ANOS1: variants seen among roughly 807,000 people sequenced by gnomAD.
ANOS1 encodes the protein anosmin 1, also known as anosmin-1.
A neutral mutation model predicts 59.0 loss-of-function variants in ANOS1; 6 were observed. The ratio of observed to expected loss-of-function variants is 0.10; its 90% CI spans 0.06 to 0.20. ANOS1 has a LOEUF of 0.20. Ranked by LOEUF, ANOS1 falls within the 10% of genes least tolerant of loss-of-function variation. The pLI is 1.00. For synonymous variants in ANOS1, 217 were observed against 223.4 expected (o/e 0.97, Z 0.25); for missense variants, 433 against 542.3 (o/e 0.80, Z 2.00).
intron 3 of ANOS1, among the ~76,000 whole-genome samples, chrX:8,599,287 T>C (rs754059601): frequency 1.2e-4 from 13 of 112,027 alleles, no homozygotes; most frequent in African/African-American, 3.9e-4. Flanking sequence ...GTTTATTTGA[T>C]GTCACAACAG....
chrX:8,628,542 C>T (rs1931433864), intron 2 of ANOS1, among the ~76,000 whole-genome samples: 1 of 111,975 alleles, frequency 8.9e-6, no homozygotes. Context: ...GACAACCCCA[C>T]ATCTCTCTTC....
chrX:8,620,623 C>A (rs753879831), intron 3 of ANOS1, among the ~76,000 whole-genome samples: 9 of 111,635 alleles, frequency 8.1e-5, no homozygotes, highest in African/African-American at 2.9e-4. Context: ...CAGCCTACTT[C>A]AACACAATAG....
At chrX:8,595,435 GA>G (rs35941065) in intron 4 of ANOS1, among the ~76,000 whole-genome samples, 2 of 107,132 alleles carry the variant, frequency 1.9e-5, no homozygotes, top group African/African-American at 6.8e-5. Context: ...CAACGATAAA[GA>G]AAAAAAAACC....
At chrX:8,562,291 A>G (rs1054350255) in intron 8 of ANOS1, among the ~76,000 whole-genome samples, 16 of 112,008 alleles carry the variant, frequency 1.4e-4, no homozygotes, top group African/African-American at 5.2e-4. Flanking sequence ...ATTTTTATAT[A>G]TCTTAAGATT....
At chrX:8,657,065 G>A (rs1257338517) in intron 2 of ANOS1, among the ~76,000 whole-genome samples, 3 of 112,482 alleles carry the variant, frequency 2.7e-5, no homozygotes, top group Non-Finnish European at 3.8e-5. Context: ...AGAGAAGTGG[G>A]AAGGGGGCAG....
rs111693610 is a variant in ANOS1, at chrX:8,661,819, C to T, written c.255+37879G>A. Among the ~76,000 whole-genome samples, 101 of 111,196 alleles carry T rather than the reference C, an allele frequency of 9.1e-4. 1 individual carries two copies. The highest frequency in any genetic ancestry group is 3.1e-3 in the African/African-American group (96 of 30,511). ...TCTAGGAGCTTAAAAACAACAGCAT[C>T]GCGTTTCAACTAGCCCTTCTGCCAG... On this transcript the variant is annotated intron_variant, in intron 2 of 13. Coordinates refer to ENST00000262648, the MANE Select transcript of ANOS1 (RefSeq NM_000216.4).
rs1004206963 is a variant in ANOS1 at position 8,698,785 on chromosome X, T to C, written c.255+913A>G. ...TATTCAGTGAGCATGATTGTGGAAA[T>C]GCATCATTAGAACAAAGTTTTTGGT... On this transcript the variant is annotated intron_variant, in intron 2 of 13. Coordinates refer to ENST00000262648, the MANE Select transcript of ANOS1 (RefSeq NM_000216.4). Among the ~76,000 whole-genome samples, 3 of 112,056 alleles carry C rather than the reference T, an allele frequency of 2.7e-5. No homozygotes were observed. The Admixed American group carries it at 2.9e-4, about 11-fold the overall frequency.
At chrX:8,651,173 C>T (rs1483611730) in intron 2 of ANOS1, among the ~76,000 whole-genome samples, 1 of 112,410 alleles carries the variant, frequency 8.9e-6, no homozygotes, top group Non-Finnish European at 1.9e-5. Context: ...AGCAGGGCTC[C>T]AGCCTAGCCC....
chrX:8,553,190 C>T (rs770768020), intron 9 of ANOS1, among the ~76,000 whole-genome samples: 102 of 107,904 alleles, frequency 9.5e-4, no homozygotes, highest in Non-Finnish European at 1.3e-3. Context: ...AACAGAAAAA[C>T]AAATATTCTA....
intron 3 of ANOS1, among the ~76,000 whole-genome samples, chrX:8,608,104 T>C (rs1226844255): frequency 1.8e-5 from 2 of 111,641 alleles, no homozygotes; most frequent in East Asian, 2.8e-4. Context: ...GCTGTACAAT[T>C]TGGGGGGCAA....
rs190199657 is a variant in ANOS1 at position 8,569,529 on chromosome X, C to T, written c.1062+970G>A. On this transcript the variant is annotated intron_variant, in intron 7 of 13. Transcript: ENST00000262648. The stretch of plus-strand genomic sequence containing the variant: ...TGGTGGCGGGCGCCTGTAGTCCCAG[C>T]TACTCGGGAGGCTGAGGCAGGAGAA... 4.4e-3 allele frequency among the ~76,000 whole-genome samples: 486 copies of T among 111,533 alleles called. 4 individuals carry two copies. The highest frequency in any genetic ancestry group is 8.2e-3 in the African/African-American group (250 of 30,661).
intron 9 of ANOS1, among the ~76,000 whole-genome samples, chrX:8,553,341 T>C (rs924357133): frequency 1.8e-5 from 2 of 112,082 alleles, no homozygotes; most frequent in Non-Finnish European, 3.8e-5. Flanking sequence ...TGTTTCATTG[T>C]ACTGGAATAA....
rs1455871013 is a variant in ANOS1 at position 8,699,599 on chromosome X, T to C, written c.255+99A>G. 4.9e-6 allele frequency: 3 copies of C among 609,779 alleles called. No individual in the cohort carries two copies. In the East Asian group the frequency reaches 1.3e-4, roughly 26 times the overall value. 50.3% of individuals were successfully genotyped at this position (609,779 alleles called of 1,213,427 possible). On this transcript the variant is annotated intron_variant, in intron 2 of 13. Coordinates refer to ENST00000262648, the MANE Select transcript of ANOS1 (RefSeq NM_000216.4). Reference sequence around the variant, plus strand: ...TAACCATTGGTGGAAACTGGGCATATATGATTTCTCTGTGCTGTCTTTGCA... The same window carrying C: ...TAACCATTGGTGGAAACTGGGCATACATGATTTCTCTGTGCTGTCTTTGCA...
At chrX:8,678,324 ACAAAC>A (rs1932367640) in intron 2 of ANOS1, among the ~76,000 whole-genome samples, 1 of 112,194 alleles carries the variant, frequency 8.9e-6, no homozygotes, top group African/African-American at 3.2e-5. Flanking sequence ...ATTGTGTAAA[ACAAAC>A]AATATCCCTG....
intron 1 of ANOS1, among the ~76,000 whole-genome samples, chrX:8,719,925 T>G (rs1237532483): frequency 9.0e-6 from 1 of 111,474 alleles, no homozygotes; most frequent in South Asian, 3.8e-4. Flanking sequence ...AGCCTTTTGA[T>G]GGGTATTGTT....
Position 8,623,252 on chromosome X carries a change from G to A in ANOS1, c.318+356C>T, listed in dbSNP as rs533044980. Among the ~76,000 whole-genome samples the A allele has an allele frequency of 8.1e-5, 9 of 111,696 alleles. No homozygotes were observed. In the South Asian group the frequency reaches 3.1e-3, roughly 38 times the overall value. On this transcript the variant is annotated intron_variant, in intron 3 of 13. Coordinates refer to ENST00000262648, the MANE Select transcript of ANOS1 (RefSeq NM_000216.4). ...TGAGAAACACCATTAGCAATAATAT[G>A]AGTCTCTTCTCCCAAATGGCATGAA...
chrX:8,536,862 G>A lies in ANOS1; in HGVS notation c.1530C>T (p.His510=). The change falls in exon 11 of 14, where the codon CAC becomes CAT. Residue 510 remains histidine (H), a synonymous_variant. Coordinates refer to ENST00000262648, the MANE Select transcript of ANOS1 (RefSeq NM_000216.4). ...TGAAGAAAACAGCTTCTGCCTTGGA[G>A]TGACTTTTTGGCCGTATTGGTTGGA... is the stretch of plus-strand genomic sequence containing the variant. ...VTVQPIRPKS[H]SKAEAVFFTT... 7 of 1,207,495 alleles carry A rather than the reference G, an allele frequency of 5.8e-6. No individual in the cohort carries two copies. Among genetic ancestry groups the A allele is most frequent in the Non-Finnish European group, 7.8e-6 (7 of 891,780 alleles).
chrX:8,615,398 C>A (rs1931151381), intron 3 of ANOS1, among the ~76,000 whole-genome samples: 1 of 109,343 alleles, frequency 9.1e-6, no homozygotes, highest in Non-Finnish European at 1.9e-5. Flanking sequence ...CAAAAATTAG[C>A]CAGGTGTGGT....
rs747725713 is a variant in ANOS1, at chrX:8,565,321, GAAGTTTA to G, written c.1207+2904_1207+2910del. 6.3e-5 allele frequency among the ~76,000 whole-genome samples: 7 copies of G among 111,806 alleles called. No individual in the cohort carries two copies. The East Asian group carries it at 1.7e-3, about 27-fold the overall frequency. ...AGAAAGACAGCTCTTGCATGAAGCT[GAAGTTTA>G]AAGGATTTTGGCCTGAGAAGGGGGT... On this transcript the variant is annotated intron_variant, in intron 8 of 13. Transcript: ENST00000262648.
Sources: gnomAD v4.1 joint callset for allele counts (sites outside exome capture counted in the v4.1 genomes callset) on GRCh38, gnomAD v4.1.1 for gene constraint, MANE v1.5 for transcripts, NCBI Gene and HGNC (gene_info 2026-07-23, HGNC 2026-07-21) for gene names.